Variants in DLC1 observed in about 807,000 individuals in gnomAD.
DLC1 encodes DLC1 Rho GTPase activating protein.
In DLC1, 54 loss-of-function variants were observed where a neutral mutation model predicts 140.3. The ratio of observed to expected loss-of-function variants is 0.38; its 90% CI spans 0.31 to 0.48. DLC1 has a LOEUF of 0.48. DLC1 is among the 20% of genes least tolerant of loss of function. The pLI is 0.96. For synonymous variants in DLC1, 986 were observed against 728.1 expected (o/e 1.35, Z -5.70); for missense variants, 2,536 against 1,907.0 (o/e 1.33, Z -6.14).
chr8:13,306,812 C>T (rs775547426), intron 4 of DLC1, among the ~76,000 whole-genome samples: 17 of 151,774 alleles, frequency 1.1e-4, no homozygotes, highest in African/African-American at 3.4e-4. Flanking sequence ...GGCTGGGCAC[C>T]GTGGCTCACC....
intron 2 of DLC1, among the ~76,000 whole-genome samples, chr8:13,475,963 C>A (rs988020546): frequency 6.6e-6 from 1 of 152,200 alleles, no homozygotes; most frequent in African/African-American, 2.4e-5. Flanking sequence ...ATAACCATTT[C>A]TCCACTGAAT....
chr8:13,214,047 G>A (rs188405810), intron 5 of DLC1, among the ~76,000 whole-genome samples: 1 of 152,110 alleles, frequency 6.6e-6, no homozygotes, highest in African/African-American at 2.4e-5. Context: ...GCCTCCCAAA[G>A]TGTTGGGTTT....
At chr8:13,378,229 G>A (rs1363853674) in intron 4 of DLC1, among the ~76,000 whole-genome samples, 5 of 149,128 alleles carry the variant, frequency 3.4e-5, no homozygotes, top group African/African-American at 1.2e-4. Flanking sequence ...CAAGGTGTAA[G>A]ATGTCCTAAT....
chr8:13,453,820 A>T (rs1335715855), intron 2 of DLC1, among the ~76,000 whole-genome samples: 1 of 151,850 alleles, frequency 6.6e-6, no homozygotes, highest in Non-Finnish European at 1.5e-5. Context: ...ATGAGTTGCT[A>T]CTATATGTAT....
chr8:13,092,904 C>T (rs532771315), intron 12 of DLC1, 79 bp from the exon 13 acceptor site: 39 of 1,469,858 alleles, frequency 2.7e-5, no homozygotes, highest in Non-Finnish European at 3.0e-5. Context: ...GAGCAAATAT[C>T]GGCATCAAAT....
At chr8:13,117,077 A>G (rs1462360402) in intron 5 of DLC1, among the ~76,000 whole-genome samples, 1 of 152,218 alleles carries the variant, frequency 6.6e-6, no homozygotes, top group Non-Finnish European at 1.5e-5. Flanking sequence ...TTGTCTCAGC[A>G]AGGAAATAAA....
chr8:13,263,075 A>G (rs902523897), intron 5 of DLC1, among the ~76,000 whole-genome samples: 1 of 152,152 alleles, frequency 6.6e-6, no homozygotes, highest in Non-Finnish European at 1.5e-5. Context: ...TGCTTCCTCC[A>G]CTTGATAATT....
At chr8:13,551,888 G>T (rs1169340104) in intron 1 of DLC1, among the ~76,000 whole-genome samples, 3 of 104,310 alleles carry the variant, frequency 2.9e-5, no homozygotes, top group African/African-American at 9.9e-5. Flanking sequence ...ATATAGACAG[G>T]TATATATACA....
intron 5 of DLC1, among the ~76,000 whole-genome samples, chr8:13,227,038 G>A (rs1239763982): frequency 3.3e-5 from 5 of 152,078 alleles, no homozygotes; most frequent in African/African-American, 1.2e-4. Context: ...TCTGTGTATG[G>A]TATAGGGGGC....
chr8:13,331,561 A>G (rs1307085425), intron 4 of DLC1, among the ~76,000 whole-genome samples: 1 of 152,168 alleles, frequency 6.6e-6, no homozygotes, highest in Non-Finnish European at 1.5e-5. Context: ...TTTGTCACAT[A>G]GCTGAATTCT....
chr8:13,171,383 C>T (rs1825470025), intron 5 of DLC1, among the ~76,000 whole-genome samples: 1 of 152,144 alleles, frequency 6.6e-6, no homozygotes, highest in Non-Finnish European at 1.5e-5. Flanking sequence ...AGGTGCCCTA[C>T]TTCCTTTTAC....
chr8:13,531,915 C>T (rs1217268699), intron 1 of DLC1, among the ~76,000 whole-genome samples: 1 of 152,160 alleles, frequency 6.6e-6, no homozygotes, highest in Non-Finnish European at 1.5e-5. Flanking sequence ...TTTAAAAATG[C>T]ATCCACTTAC....
At chr8:13,374,910 C>T (rs1353801078) in intron 4 of DLC1, among the ~76,000 whole-genome samples, 2 of 152,174 alleles carry the variant, frequency 1.3e-5, no homozygotes, top group East Asian at 1.9e-4. Context: ...AGGTCCTTCA[C>T]ATCCCTTGTA....
At chr8:13,520,631 A>T (rs76791729) in intron 1 of DLC1, among the ~76,000 whole-genome samples, 1 of 152,068 alleles carries the variant, frequency 6.6e-6, no homozygotes. Context: ...TTAAAAAAAG[A>T]AAAAAAGAAA....
rs537642979 is a variant in DLC1 at position 13,478,799 on chromosome 8, T to C, written c.1023+20250A>G. ...TCTTTGTTTTCTTTTATAGCAATTA[T>C]TGAATTTTTAATACATAACTTTGCT... is the stretch of plus-strand genomic sequence containing the variant. On this transcript the variant is annotated intron_variant, in intron 2 of 17. Coordinates refer to ENST00000276297, the MANE Select transcript of DLC1 (RefSeq NM_182643.3). Among the ~76,000 whole-genome samples the C allele has an allele frequency of 1.9e-3, 286 of 152,374 alleles. 1 individual carries two copies. Among genetic ancestry groups the C allele is most frequent in the Non-Finnish European group, 2.6e-3 (180 of 68,038 alleles).
rs189782446 is a variant in DLC1, at chr8:13,193,336, C to T, written c.1349-77679G>A. 3.6e-3 allele frequency among the ~76,000 whole-genome samples: 545 copies of T among 152,164 alleles called. 2 individuals are homozygous for T. The highest frequency in any genetic ancestry group is 6.5e-3 in the Non-Finnish European group (444 of 68,008). On this transcript the variant is annotated intron_variant, in intron 5 of 17. Transcript: ENST00000276297. ...CAAATGTTAGAAAAAAATTGAGTGT[C>T]GCTTTTTGAGTTAGGGGAGAAGAGA... is the stretch of plus-strand genomic sequence containing the variant.
intron 5 of DLC1, among the ~76,000 whole-genome samples, chr8:13,176,101 A>G (rs1211957465): frequency 6.6e-6 from 1 of 152,172 alleles, no homozygotes; most frequent in Non-Finnish European, 1.5e-5. Flanking sequence ...TCTGGATATA[A>G]ACTTCTTTTT....
At chr8:13,533,991 C>G (rs1209805350) in intron 1 of DLC1, among the ~76,000 whole-genome samples, 2 of 152,034 alleles carry the variant, frequency 1.3e-5, no homozygotes, top group African/African-American at 4.8e-5. Context: ...TATAAATTAC[C>G]CAGTCTTGGT....
At chr8:13,450,475 A>AG (rs1224428301) in intron 2 of DLC1, among the ~76,000 whole-genome samples, 36 of 149,348 alleles carry the variant, frequency 2.4e-4, no homozygotes, top group Non-Finnish European at 4.8e-4. Context: ...AAAAAAAAAA[A>AG]GGCCGAAGAG....
Sources: allele counts gnomAD v4.1 joint callset (sites outside exome capture counted in the v4.1 genomes callset), GRCh38; gene constraint gnomAD v4.1.1; transcripts MANE v1.5; gene names NCBI Gene and HGNC (gene_info 2026-07-23, HGNC 2026-07-21).